The following RFWD3 variants were observed in gnomAD, a reference collection of about 807,000 sequenced individuals.
RFWD3 encodes ring finger and WD repeat domain 3, also known as E3 ubiquitin-protein ligase RFWD3.
Under a neutral mutation model 87.7 loss-of-function variants are expected in RFWD3, and 65 were observed. The observed-to-expected ratio is 0.74, with a 90% CI of 0.61 to 0.91. The LOEUF is 0.91. Ranked by LOEUF, RFWD3 falls within the 40% of genes least tolerant of loss-of-function variation. The probability of loss-of-function intolerance (pLI) is 0.00; values close to 1 mark genes in which losing one functional copy is unlikely to be tolerated. For missense variants in RFWD3, 1,078 were observed against 938.5 expected (o/e 1.15, Z -1.94); for synonymous variants, 433 against 352.8 (o/e 1.23, Z -2.55).
intron 3 of RFWD3, among the ~76,000 whole-genome samples, chr16:74,651,340 G>T (rs767285513): frequency 1.3e-5 from 2 of 152,196 alleles, no homozygotes; most frequent in Non-Finnish European, 2.9e-5. Flanking sequence ...AATCTAGGCC[G>T]GGTGCAGTGG....
At position 74,628,497 on chromosome 16, in the gene RFWD3, G is replaced by C; in HGVS notation, c.1924C>G (p.Gln642Glu). Residue 642 changes from glutamine (Q) to glutamate (E), a missense_variant, in exon 11 of 13, where the codon CAG (glutamine) becomes GAG (glutamate). Transcript: ENST00000361070. Reference sequence around the variant, plus strand: ...CAGTGCCGGGAGCTGTTCTCTGTCTGAAAGTCTATGCAGCCCCCTGGCTCC... The same window carrying C: ...CAGTGCCGGGAGCTGTTCTCTGTCTCAAAGTCTATGCAGCCCCCTGGCTCC... Reference protein sequence around the residue: ...PLEPGGCIDFQTENSSRHCLV... With the variant: ...PLEPGGCIDFETENSSRHCLV... 6.2e-7 allele frequency: 1 copy of C among 1,614,210 alleles called. No individual in the cohort carries two copies. Among genetic ancestry groups the C allele is most frequent in the Non-Finnish European group, 8.5e-7 (1 of 1,180,032 alleles).
At chr16:74,649,388 T>G (rs1006839284) in intron 3 of RFWD3, 186 bp from the exon 4 acceptor site, 19 of 457,674 alleles carry the variant, frequency 4.2e-5, no homozygotes, top group Non-Finnish European at 5.9e-5. Flanking sequence ...AAATTTAGTT[T>G]GAATATTCTC....
At chr16:74,662,614 G>A (rs1961541656) in intron 1 of RFWD3, among the ~76,000 whole-genome samples, 1 of 152,188 alleles carries the variant, frequency 6.6e-6, no homozygotes, top group Non-Finnish European at 1.5e-5. Context: ...AAAAGCAGCT[G>A]GCTATGCAAA....
At chr16:74,632,490 C>T (rs769224672) in intron 9 of RFWD3, 33 bp downstream of exon 9, 2 of 1,610,806 alleles carry the variant, frequency 1.2e-6, no homozygotes, top group African/African-American at 1.3e-5. Context: ...CACCAAAGAG[C>T]CCAGTCTCCA....
chr16:74,633,361 A>T (rs1023048069), intron 8 of RFWD3, among the ~76,000 whole-genome samples: 2 of 152,010 alleles, frequency 1.3e-5, no homozygotes, highest in Admixed American at 1.3e-4. Flanking sequence ...AAAAAAAAGA[A>T]AAAGTATAAC....
chr16:74,626,638 C>G (rs956172965), intron 11 of RFWD3, 84 bp from the exon 12 acceptor site: 12 of 1,061,124 alleles, frequency 1.1e-5, no homozygotes, highest in South Asian at 2.8e-5. Context: ...ACGCTTACAA[C>G]CTAGTTGGAT....
chr16:74,637,912 G>A lies in RFWD3; in HGVS notation c.1138C>T (p.Arg380Ter), dbSNP rs765081460. ...TCAGTGAGGACCTGCAGTTGGAGTC[G>A]GCACTGTGCTGATTCTAACTCGGCC... ...KQAELESAQC[R>*]LQLQVLTDKC... The change falls in exon 7 of 13, where the codon CGA becomes TGA. Residue 380 changes from arginine to a stop codon, truncating the protein, a stop_gained. Transcript: ENST00000361070. LOFTEE classifies it high-confidence loss of function. 8 of 1,612,710 alleles carry A rather than the reference G, an allele frequency of 5.0e-6. No individual in the cohort carries two copies. The highest frequency in any genetic ancestry group is 2.2e-5 in the South Asian group (2 of 90,946).
In RFWD3 at chr16:74,624,208, T is replaced by G. The variant is rs1009139527; in HGVS notation, c.2182-137A>C. 3 of 1,016,524 alleles carry G rather than the reference T, an allele frequency of 3.0e-6. No homozygotes were observed. In the African/African-American group the frequency reaches 4.9e-5, roughly 17 times the overall value. The allele number at this position is 1,016,524 out of a possible 1,614,324, so 63.0% of individuals were successfully genotyped here. On this transcript the variant is annotated intron_variant, in intron 12 of 12. Transcript: ENST00000361070. ...AGCAAAGCAGGCTGTCCCTAACCTT[T>G]GCAAGGTTGTTCAAAGTCAGCACAC...
chr16:74,661,758 A>G (rs1961460237), intron 1 of RFWD3, among the ~76,000 whole-genome samples: 4 of 152,234 alleles, frequency 2.6e-5, no homozygotes, highest in Admixed American at 2.6e-4. Flanking sequence ...TGGGTCTAAA[A>G]GTAATCTCTC....
chr16:74,628,717 TCCAGACCCCACTA>T, intron 10 of RFWD3, 51 bp from the exon 11 acceptor site: 1 of 1,549,680 alleles, frequency 6.5e-7, no homozygotes, highest in Non-Finnish European at 8.9e-7. Context: ...CTCGGACGGC[TCCAGACCCCACTA>T]CCAGACCTCA....
At chr16:74,660,690 A>C (rs1259458718) in intron 2 of RFWD3, 7 of 444,528 alleles carry the variant, frequency 1.6e-5, no homozygotes, top group Non-Finnish European at 2.8e-5. Flanking sequence ...TCTGAACAAC[A>C]GCCAATCTCT....
chr16:74,624,074 A>T lies in RFWD3; in HGVS notation c.2182-3T>A. 1 of 1,613,666 alleles carries T rather than the reference A, an allele frequency of 6.2e-7. No homozygotes were observed. Among genetic ancestry groups the T allele is most frequent in the Non-Finnish European group, 8.5e-7 (1 of 1,179,834 alleles). ...GAGCCACTGGCAGCATCCCACAGCT[A>T]AAGAACACAAGCAGAGGGAAGGGTC... On this transcript the variant is annotated splice_region_variant and splice_polypyrimidine_tract_variant and intron_variant, in intron 12 of 12. Coordinates refer to ENST00000361070, the MANE Select transcript of RFWD3 (RefSeq NM_018124.4).
chr16:74,644,791 G>A (rs940454926), intron 4 of RFWD3, 56 bp from the exon 5 acceptor site: 2 of 1,530,262 alleles, frequency 1.3e-6, no homozygotes, highest in Admixed American at 2.0e-5. Context: ...CAATCTTGAA[G>A]AAGATGTGCA....
Position 74,661,248 on chromosome 16 carries a change from G to C in RFWD3, c.202C>G (p.Pro68Ala). ...AGTTGCGGAGCAGGCTGGAGCAGGG[G>C]TGGTGTCGCTTGGCTGCTGATCACC... ...AEVISSQATP[P>A]LLQPAPQLSV... The change falls in exon 2 of 13, where the codon CCC becomes GCC. Residue 68 changes from proline (P) to alanine (A), a missense_variant. Coordinates refer to ENST00000361070, the MANE Select transcript of RFWD3 (RefSeq NM_018124.4). The C allele has an allele frequency of 1.2e-6, 2 of 1,614,180 alleles. No individual in the cohort carries two copies. The highest frequency in any genetic ancestry group is 1.1e-5 in the South Asian group (1 of 91,082).
intron 8 of RFWD3, among the ~76,000 whole-genome samples, chr16:74,633,580 A>G (rs772624729): frequency 4.6e-5 from 7 of 152,196 alleles, no homozygotes; most frequent in Non-Finnish European, 7.3e-5. Flanking sequence ...GACAAAAAGC[A>G]GTGACTGCTG....
Position 74,655,406 on chromosome 16 carries a change from AT to A in RFWD3, c.519-3285del, listed in dbSNP as rs771700177. On this transcript the variant is annotated intron_variant, in intron 2 of 12. Transcript: ENST00000361070. ...AGGCACCCGCCACCACGCCTGGCTA[AT>A]TTTTTTTTTTTTTGTATTTTTAGTA... is the stretch of plus-strand genomic sequence containing the variant. Among the ~76,000 whole-genome samples the A allele has an allele frequency of 2.6e-3, 372 of 143,508 alleles. 1 individual carries two copies. The highest frequency in any genetic ancestry group is 7.2e-3 in the Middle Eastern group (2 of 276). The allele number at this position is 143,508 out of a possible 152,430, so 94.1% of individuals were successfully genotyped here.
rs527986783 is a variant in RFWD3, at chr16:74,637,907, G to A, written c.1143C>T (p.Leu381=). Residue 381 remains leucine, a synonymous_variant, in exon 7 of 13, where the codon CTC becomes CTT. Coordinates refer to ENST00000361070, the MANE Select transcript of RFWD3 (RefSeq NM_018124.4). ...QAELESAQCR[L]QLQVLTDKCT... ...ACTTATCAGTGAGGACCTGCAGTTGGAGTCGGCACTGTGCTGATTCTAACT... is the reference window on the plus strand; with the variant it reads ...ACTTATCAGTGAGGACCTGCAGTTGAAGTCGGCACTGTGCTGATTCTAACT... 18 of 1,612,894 alleles carry A rather than the reference G, an allele frequency of 1.1e-5. No homozygotes were observed. In the East Asian group the frequency reaches 2.5e-4, roughly 22 times the overall value.
rs779036300 is a variant in RFWD3, at chr16:74,663,990, C to CT, written c.-2-2540dup. Among the ~76,000 whole-genome samples, 9 of 152,348 alleles carry CT rather than the reference C, an allele frequency of 5.9e-5. No individual in the cohort carries two copies. The East Asian group carries it at 9.6e-4, about 16-fold the overall frequency. ...AAACAAAACACAGAACAAAGCCCTT[C>CT]TCCCCCTATGCACGAGAAAACTGGA... is the stretch of plus-strand genomic sequence containing the variant. On this transcript the variant is annotated intron_variant, in intron 1 of 12. Transcript: ENST00000361070.
chr16:74,661,075 G>A lies in RFWD3; in HGVS notation c.375C>T (p.Ser125=), dbSNP rs143577108. ...GCATGCCATGAAGTCTCTGCAGTCC[G>A]CTGATGAAGTTGGTCATTGAATGCA... ...SSLHSMTNFI[S]GLQRLHGMLE... Residue 125 remains serine, a synonymous_variant, in exon 2 of 13, where the codon AGC becomes AGT. Coordinates refer to ENST00000361070, the MANE Select transcript of RFWD3 (RefSeq NM_018124.4). 6 of 1,614,200 alleles carry A rather than the reference G, an allele frequency of 3.7e-6. No individual in the cohort carries two copies. Among genetic ancestry groups the A allele is most frequent in the South Asian group, 2.2e-5 (2 of 91,090 alleles).
Sources: gnomAD v4.1 joint callset for allele counts (sites outside exome capture counted in the v4.1 genomes callset) on GRCh38, gnomAD v4.1.1 for gene constraint, MANE v1.5 for transcripts, NCBI Gene and HGNC (gene_info 2026-07-23, HGNC 2026-07-21) for gene names.